Variants in CSMD3 observed in about 807,000 individuals in gnomAD.
The protein encoded by CSMD3 is CUB and sushi domain-containing protein 3.
CSMD3 carries 177 observed loss-of-function variants against 435.2 expected under a neutral mutation model. The ratio of observed to expected loss-of-function variants is 0.41; its 90% CI spans 0.36 to 0.46. The LOEUF (loss-of-function observed/expected upper bound fraction) is 0.46. Ranked by LOEUF, CSMD3 falls within the 20% of genes least tolerant of loss-of-function variation. The pLI, the probability that CSMD3 is intolerant of heterozygous loss-of-function variation, is 0.34. For synonymous variants in CSMD3, 1,656 were observed against 1,520.5 expected (o/e 1.09, Z -2.07); for missense variants, 4,265 against 4,504.6 (o/e 0.95, Z 1.52).
intron 4 of CSMD3, among the ~76,000 whole-genome samples, chr8:113,137,041 T>C (rs2131710941): frequency 6.6e-6 from 1 of 151,744 alleles, no homozygotes; most frequent in African/African-American, 2.4e-5. Flanking sequence ...AATATTAAGA[T>C]ATACCTAAGC....
intron 65 of CSMD3, 119 bp downstream of exon 65, chr8:112,244,275 G>T: frequency 1.2e-6 from 1 of 801,022 alleles, no homozygotes; most frequent in Non-Finnish European, 2.1e-6. Context: ...TCCTAGACTT[G>T]GAGTTAGCCA....
At chr8:113,413,967 C>A (rs2094570611) in intron 1 of CSMD3, among the ~76,000 whole-genome samples, 1 of 152,084 alleles carries the variant, frequency 6.6e-6, no homozygotes, top group Admixed American at 6.5e-5. Context: ...AAAGATCTTA[C>A]CTTTAAAAGA....
intron 24 of CSMD3, among the ~76,000 whole-genome samples, chr8:112,559,025 C>A (rs975631979): frequency 6.6e-6 from 1 of 151,784 alleles, no homozygotes; most frequent in African/African-American, 2.4e-5. Context: ...AGGCTTCCCA[C>A]GTGTTGTCAT....
chr8:112,875,815 C>T (rs996660319), intron 10 of CSMD3, among the ~76,000 whole-genome samples: 5 of 151,972 alleles, frequency 3.3e-5, no homozygotes, highest in African/African-American at 9.7e-5. Flanking sequence ...TTAGCAATTC[C>T]TCCAGCCTTT....
chr8:112,998,651 T>C (rs959164927), intron 6 of CSMD3, among the ~76,000 whole-genome samples: 17 of 152,048 alleles, frequency 1.1e-4, no homozygotes, highest in Admixed American at 9.2e-4. Context: ...ATAACCCCCA[T>C]GTTACCAAAT....
At chr8:113,423,732 T>G (rs1477249686) in intron 1 of CSMD3, among the ~76,000 whole-genome samples, 1 of 151,890 alleles carries the variant, frequency 6.6e-6, no homozygotes, top group Non-Finnish European at 1.5e-5. Flanking sequence ...CGTCTTTATG[T>G]TATGTGTTAT....
chr8:112,245,301 T>C (rs931608718), intron 64 of CSMD3, among the ~76,000 whole-genome samples: 1 of 152,118 alleles, frequency 6.6e-6, no homozygotes, highest in Non-Finnish European at 1.5e-5. Context: ...ACCATTCCTT[T>C]CTCCGTCAGA....
At chr8:113,279,929 G>A (rs949261343) in intron 2 of CSMD3, among the ~76,000 whole-genome samples, 1 of 151,730 alleles carries the variant, frequency 6.6e-6, no homozygotes, top group African/African-American at 2.4e-5. Flanking sequence ...ATGATCACGT[G>A]AATTTTGTTT....
Position 113,203,262 on chromosome 8 carries a change from T to A in CSMD3, c.515-29346A>T, listed in dbSNP as rs139387073. Among the ~76,000 whole-genome samples the A allele has an allele frequency of 5.9e-4, 90 of 152,266 alleles. 1 individual carries two copies. The highest frequency in any genetic ancestry group is 1.2e-3 in the African/African-American group (49 of 41,564). ...TATGTACAAATATTTGTCAATTTTT[T>A]AAATTTTTAAAATGTGTTTTTATAA... On this transcript the variant is annotated intron_variant, in intron 3 of 70. Transcript: ENST00000297405.
intron 45 of CSMD3, among the ~76,000 whole-genome samples, chr8:112,320,870 A>T (rs1334483503): frequency 6.6e-6 from 1 of 152,114 alleles, no homozygotes; most frequent in African/African-American, 2.4e-5. Flanking sequence ...ATGCTACTTT[A>T]ATATAATTAT....
chr8:112,930,636 C>T (rs2083075188), intron 9 of CSMD3, among the ~76,000 whole-genome samples: 1 of 151,976 alleles, frequency 6.6e-6, no homozygotes, highest in South Asian at 2.1e-4. Context: ...TTGAATAGAG[C>T]ATTCTAGTTT....
intron 4 of CSMD3, among the ~76,000 whole-genome samples, chr8:113,160,490 T>G (rs1522062): frequency 0.13 from 19,304 of 151,958 alleles, 2,169 homozygotes; most frequent in African/African-American, 0.3. Flanking sequence ...TAATTTTATA[T>G]TTAACTATTT....
At chr8:112,250,599 G>C (rs1815174487) in intron 63 of CSMD3, among the ~76,000 whole-genome samples, 1 of 151,286 alleles carries the variant, frequency 6.6e-6, no homozygotes, top group Admixed American at 6.6e-5. Flanking sequence ...AGTATAATTT[G>C]CTTATTTGTA....
chr8:113,182,345 T>G (rs193260252), intron 3 of CSMD3, among the ~76,000 whole-genome samples: 6 of 152,152 alleles, frequency 3.9e-5, no homozygotes, highest in African/African-American at 1.2e-4. Flanking sequence ...ATGTCCAAGA[T>G]GTAGTCAAGA....
At position 113,150,569 on chromosome 8, in the gene CSMD3, C is replaced by A. The variant is rs145186632; in HGVS notation, c.709+23153G>T. Among the ~76,000 whole-genome samples the A allele has an allele frequency of 5.9e-3, 895 of 152,024 alleles. 4 individuals carry two copies. Among genetic ancestry groups the A allele is most frequent in the African/African-American group, 0.019 (797 of 41,518 alleles). ...GAGCAGAGGATCCAGCTAACCCATG[C>A]GCATATTCCTGACCTACAGACACTA... On this transcript the variant is annotated intron_variant, in intron 4 of 70. Coordinates refer to ENST00000297405, the MANE Select transcript of CSMD3 (RefSeq NM_198123.2).
At chr8:112,923,116 G>A (rs1286742208) in intron 9 of CSMD3, among the ~76,000 whole-genome samples, 1 of 152,042 alleles carries the variant, frequency 6.6e-6, no homozygotes, top group Non-Finnish European at 1.5e-5. Flanking sequence ...AGTGTTAATA[G>A]GAATCTGAGC....
intron 25 of CSMD3, 91 bp from the exon 26 acceptor site, chr8:112,552,811 C>T (rs2131203832): frequency 4.3e-6 from 5 of 1,160,672 alleles, no homozygotes; most frequent in Non-Finnish European, 5.0e-6. Context: ...CAAAAGAATA[C>T]TGATTTTCTT....
At chr8:113,283,837 A>G (rs1045591912) in intron 2 of CSMD3, among the ~76,000 whole-genome samples, 1 of 152,208 alleles carries the variant, frequency 6.6e-6, no homozygotes, top group Non-Finnish European at 1.5e-5. Context: ...CCACATGTCC[A>G]TCAATCAACG....
At chr8:112,874,723 C>T (rs1347804824) in intron 10 of CSMD3, among the ~76,000 whole-genome samples, 2 of 151,974 alleles carry the variant, frequency 1.3e-5, no homozygotes, top group African/African-American at 4.8e-5. Flanking sequence ...AGGATTGCAA[C>T]CCCTGCTTTT....
Sources: allele counts gnomAD v4.1 joint callset (sites outside exome capture counted in the v4.1 genomes callset), GRCh38; gene constraint gnomAD v4.1.1; transcripts MANE v1.5; gene names NCBI Gene and HGNC (gene_info 2026-07-23, HGNC 2026-07-21).